The following NCOR1 variants were observed in gnomAD, a reference collection of about 807,000 sequenced individuals.
NCOR1 encodes the protein protein phosphatase 1, regulatory subunit 109.
A neutral mutation model predicts 288.1 loss-of-function variants in NCOR1; 63 were observed. The observed-to-expected ratio is 0.22, with a 90% CI of 0.18 to 0.27. The LOEUF (loss-of-function observed/expected upper bound fraction) is 0.27, where lower values mean the gene tolerates loss of function less well. Among genes scored for constraint, NCOR1 ranks in the 10% least tolerant of loss-of-function variants. The probability of loss-of-function intolerance (pLI) is 1.00; values close to 1 mark genes in which losing one functional copy is unlikely to be tolerated. For synonymous variants in NCOR1, 1,007 were observed against 1,065.9 expected, an observed-to-expected ratio of 0.94 and a Z score of 1.08; for missense variants, 2,397 against 3,019.2, an observed-to-expected ratio of 0.79 and a Z score of 4.83.
chr17:16,061,580 G>C lies in NCOR1; in HGVS notation c.5702C>G (p.Ser1901Cys). 6.2e-7 allele frequency: 1 copy of C among 1,614,192 alleles called. No individual in the cohort carries two copies. The highest frequency in any genetic ancestry group is 8.5e-7 in the Non-Finnish European group (1 of 1,180,036). Residue 1901 changes from serine to cysteine, a missense_variant, in exon 37 of 46, where the codon TCT becomes TGT. Around this residue, in one of 11 missense-constraint regions of NCOR1, gnomAD observed 1,872 missense variants for 2,187.8 expected, o/e 0.86. Transcript: ENST00000268712. Reference protein sequence around the residue: ...KPQPHSSVVYSEAGKDKGPPP... With the variant: ...KPQPHSSVVYCEAGKDKGPPP... The stretch of plus-strand genomic sequence containing the variant: ...AGGCCCTTTATCTTTCCCAGCCTCA[G>C]AATAAACTACTGAAGAATGAGGCTG...
At chr17:16,186,367 A>G (rs1412052192) in intron 3 of NCOR1, among the ~76,000 whole-genome samples, 187 bp downstream of exon 3, 1 of 152,232 alleles carries the variant, frequency 6.6e-6, no homozygotes, top group East Asian at 1.9e-4. Context: ...TATTAATGCC[A>G]AACTATGGAA....
intron 21 of NCOR1, among the ~76,000 whole-genome samples, chr17:16,095,518 G>T (rs1319106991): frequency 7.4e-6 from 1 of 134,328 alleles, no homozygotes; most frequent in Non-Finnish European, 1.6e-5. Flanking sequence ...CCGGCCAGCC[G>T]CCCCATCCGG....
intron 19 of NCOR1, among the ~76,000 whole-genome samples, chr17:16,103,544 C>G (rs748293081): frequency 3.9e-5 from 6 of 152,252 alleles, no homozygotes; most frequent in African/African-American, 1.4e-4. Flanking sequence ...GGGCCCCCTC[C>G]AGCCTCTCCA....
chr17:16,114,701 C>A (rs1298680487), intron 18 of NCOR1, among the ~76,000 whole-genome samples: 1 of 152,238 alleles, frequency 6.6e-6, no homozygotes, highest in African/African-American at 2.4e-5. Context: ...CCTTTGACTC[C>A]ATGTCTCACG....
At chr17:16,151,200 AT>A (rs573897858) in intron 8 of NCOR1, among the ~76,000 whole-genome samples, 203 of 145,524 alleles carry the variant, frequency 1.4e-3, no homozygotes, top group African/African-American at 4.5e-3. Flanking sequence ...TTAAAGTATA[AT>A]TTTTTTTTTA....
At chr17:16,071,762 TGTTACATATATTTTA>T in intron 29 of NCOR1, 97 bp from the exon 30 acceptor site, 1 of 1,144,084 alleles carries the variant, frequency 8.7e-7, no homozygotes, top group Admixed American at 2.4e-5. Flanking sequence ...TGGTAAATTT[TGTTACATATATTTTA>T]ACATAATTTA....
At chr17:16,046,348 A>C (rs920304684) in intron 42 of NCOR1, among the ~76,000 whole-genome samples, 1 of 152,228 alleles carries the variant, frequency 6.6e-6, no homozygotes, top group African/African-American at 2.4e-5. Flanking sequence ...TCATAACTTA[A>C]CAGTGTATAG....
Position 16,171,901 on chromosome 17 carries a change from G to T in NCOR1, c.337C>A (p.Gln113Lys). 1 of 1,613,346 alleles carries T rather than the reference G, an allele frequency of 6.2e-7. No individual in the cohort carries two copies. The highest frequency in any genetic ancestry group is 1.3e-5 in the African/African-American group (1 of 74,934). Residue 113 changes from glutamine (Q) to lysine (K), a missense_variant, in exon 4 of 46, where the codon CAG (glutamine) becomes AAG (lysine). This residue lies in a region of NCOR1 where 110 missense variants were observed against 123.2 expected (regional missense o/e 0.89). Coordinates refer to ENST00000268712, the MANE Select transcript of NCOR1 (RefSeq NM_006311.4). ...CGCTGAAAATGAGAATCAGAAACCTGTTCCAGACGTGGTCGCTTCGATTCC... is the reference window on the plus strand; with the variant it reads ...CGCTGAAAATGAGAATCAGAAACCTTTTCCAGACGTGGTCGCTTCGATTCC... ...SLESKRPRLE[Q>K]VSDSHFQRVS...
intron 1 of NCOR1, among the ~76,000 whole-genome samples, chr17:16,207,735 T>C (rs2091683355): frequency 1.5e-5 from 2 of 129,056 alleles, no homozygotes; most frequent in Non-Finnish European, 3.2e-5. Flanking sequence ...CGAGACTCCA[T>C]CTCCAAAAAA....
rs1802210 is a variant in NCOR1, at chr17:16,032,294, G to A, written c.*2C>T. ...CACCCTGTTCCCCTCACTTTGTGCA[G>A]TTCAGTCATCACTATCCGACAGGGT... On this transcript the variant is annotated 3_prime_UTR_variant, in exon 46 of 46. Transcript: ENST00000268712. 19 of 1,609,446 alleles carry A rather than the reference G, an allele frequency of 1.2e-5. No individual in the cohort carries two copies. The highest frequency in any genetic ancestry group is 1.6e-5 in the Non-Finnish European group (19 of 1,178,498).
rs752873509 is a variant in NCOR1 at position 16,121,038 on chromosome 17, T to C, written c.1852+14A>G. On this transcript the variant is annotated intron_variant, in intron 16 of 45. Transcript: ENST00000268712. The stretch of plus-strand genomic sequence containing the variant: ...CAAAATTATGGCCTGTTTATGCCAA[T>C]TGTTTCCACTCACTGGGTTCTGGTG... The C allele has an allele frequency of 6.8e-6, 11 of 1,607,374 alleles. No homozygotes were observed. The highest frequency in any genetic ancestry group is 2.7e-5 in the African/African-American group (2 of 74,798).
rs1971765059 is a variant in NCOR1 at position 16,029,546 on chromosome 17, A to G, written c.*2750T>C. The stretch of plus-strand genomic sequence containing the variant: ...TCAGAATACTTTTATGAAGAGTATT[A>G]GGAAGACCTTAATTTAGTTCTGGGT... On this transcript the variant is annotated 3_prime_UTR_variant, in exon 46 of 46. Coordinates refer to ENST00000268712, the MANE Select transcript of NCOR1 (RefSeq NM_006311.4). The G allele has an allele frequency of 2.6e-5, 6 of 231,990 alleles. No individual in the cohort carries two copies. The South Asian group carries it at 3.3e-4, about 13-fold the overall frequency. 14.4% of individuals were successfully genotyped at this position (231,990 alleles called of 1,614,324 possible).
rs372386923 is a variant in NCOR1 at position 16,078,428 on chromosome 17, T to C, written c.3501+1536A>G. On this transcript the variant is annotated intron_variant, in intron 26 of 45. Coordinates refer to ENST00000268712, the MANE Select transcript of NCOR1 (RefSeq NM_006311.4). Reference sequence around the variant, plus strand: ...TTTAAACAGATAAAATTTAGTCTCCTTTGGCCCAGTTCATACTCTTTCTTC... The same window carrying C: ...TTTAAACAGATAAAATTTAGTCTCCCTTGGCCCAGTTCATACTCTTTCTTC... 1.8e-4 allele frequency among the ~76,000 whole-genome samples: 28 copies of C among 152,252 alleles called. 1 individual carries two copies. Among genetic ancestry groups the C allele is most frequent in the Admixed American group, 1.0e-3 (16 of 15,286 alleles).
chr17:16,080,541 C>T (rs1426251840), intron 24 of NCOR1, 32 bp from the exon 25 acceptor site: 41 of 1,613,918 alleles, frequency 2.5e-5, no homozygotes, highest in Non-Finnish European at 3.4e-5. Flanking sequence ...TGAAACAATC[C>T]AGTACTAAAT....
chr17:16,144,381 A>G (rs1039225274), intron 10 of NCOR1, among the ~76,000 whole-genome samples: 2 of 152,222 alleles, frequency 1.3e-5, no homozygotes, highest in African/African-American at 2.4e-5. Context: ...ATAATATAAA[A>G]ATTAAATTTA....
intron 1 of NCOR1, among the ~76,000 whole-genome samples, chr17:16,207,602 G>A (rs1166533048): frequency 2.0e-5 from 3 of 151,844 alleles, no homozygotes; most frequent in African/African-American, 7.3e-5. Flanking sequence ...TTAGCCAGGC[G>A]TGGTGGCAGA....
chr17:16,135,886 C>A lies in NCOR1; in HGVS notation c.1509+1425G>T, dbSNP rs554344590. Among the ~76,000 whole-genome samples, 29 of 152,294 alleles carry A rather than the reference C, an allele frequency of 1.9e-4. No homozygotes were observed. The South Asian group carries it at 3.5e-3, about 19-fold the overall frequency. ...GAAAGGGAGTAAGACCCCACCCCAACAAAAGGGTGGCTGAGTGGGAAAACC... is the reference window on the plus strand; with the variant it reads ...GAAAGGGAGTAAGACCCCACCCCAAAAAAAGGGTGGCTGAGTGGGAAAACC... On this transcript the variant is annotated intron_variant, in intron 14 of 45. Coordinates refer to ENST00000268712, the MANE Select transcript of NCOR1 (RefSeq NM_006311.4).
chr17:16,029,938 G>C lies in NCOR1; in HGVS notation c.*2358C>G. On this transcript the variant is annotated 3_prime_UTR_variant, in exon 46 of 46. Transcript: ENST00000268712. ...AAGAAGTTAGGCTCTGATCTGACATGTTCTCAGAAACTATACGGTTGACCT... is the reference window on the plus strand; with the variant it reads ...AAGAAGTTAGGCTCTGATCTGACATCTTCTCAGAAACTATACGGTTGACCT... The C allele has an allele frequency of 6.4e-6, 1 of 157,132 alleles. No individual in the cohort carries two copies. 9.7% of individuals were successfully genotyped at this position (157,132 alleles called of 1,614,324 possible).
Position 16,151,490 on chromosome 17 carries a change from A to G in NCOR1, c.842+456T>C, listed in dbSNP as rs556171956. On this transcript the variant is annotated intron_variant, in intron 8 of 45. Coordinates refer to ENST00000268712, the MANE Select transcript of NCOR1 (RefSeq NM_006311.4). ...CCCTAGAATAGGATTTTGAATAATG[A>G]TAAAATGATCCGTGGCACTTCTACT... 8.6e-5 allele frequency: 72 copies of G among 839,230 alleles called. No individual in the cohort carries two copies. The East Asian group carries it at 3.3e-3, about 38-fold the overall frequency. 52.0% of individuals were successfully genotyped at this position (839,230 alleles called of 1,614,324 possible). A position where few individuals can be genotyped will look rare whatever the true frequency, so the allele number is the denominator to read the frequency against.
Sources: allele counts gnomAD v4.1 joint callset (sites outside exome capture counted in the v4.1 genomes callset), GRCh38; gene constraint gnomAD v4.1.1; regional missense constraint gnomAD v4.1.1; transcripts MANE v1.5; gene names NCBI Gene and HGNC (gene_info 2026-07-23, HGNC 2026-07-21).